WWOX: variants seen among roughly 807,000 people sequenced by gnomAD.
WWOX encodes the protein WW domain-containing oxidoreductase.
A neutral mutation model predicts 46.2 loss-of-function variants in WWOX; 69 were observed. The observed-to-expected ratio is 1.49, with a 90% CI of 1.23 to 1.82. WWOX has a LOEUF of 1.82. Ranked by LOEUF, WWOX falls within the 40% of genes most tolerant of loss-of-function variation. The pLI, the probability that WWOX is intolerant of heterozygous loss-of-function variation, is 0.00. For synonymous variants in WWOX, 359 were observed against 202.6 expected (o/e 1.77, Z -6.56); for missense variants, 919 against 542.6 (o/e 1.69, Z -6.89).
At chr16:78,808,546 G>A (rs940361723) in intron 8 of WWOX, among the ~76,000 whole-genome samples, 2 of 152,170 alleles carry the variant, frequency 1.3e-5, no homozygotes, top group Non-Finnish European at 2.9e-5. Context: ...TCATAGAAGG[G>A]TGTTCTTAAC....
chr16:79,158,089 C>A (rs1046706674), intron 8 of WWOX, among the ~76,000 whole-genome samples: 1 of 151,986 alleles, frequency 6.6e-6, no homozygotes, highest in Non-Finnish European at 1.5e-5. Flanking sequence ...TCCCAGATGT[C>A]AAAGCATGGG....
chr16:78,661,170 C>T (rs971647429), intron 8 of WWOX, among the ~76,000 whole-genome samples: 6 of 152,124 alleles, frequency 3.9e-5, no homozygotes, highest in African/African-American at 1.2e-4. Context: ...ACTAAACTGT[C>T]CTCTAGAATG....
At chr16:79,001,582 C>G (rs1318695788) in intron 8 of WWOX, among the ~76,000 whole-genome samples, 1 of 151,996 alleles carries the variant, frequency 6.6e-6, no homozygotes, top group African/African-American at 2.4e-5. Flanking sequence ...ACAAGTTTTG[C>G]CCCTTATACA....
chr16:78,177,910 A>G (rs954586904), intron 5 of WWOX, among the ~76,000 whole-genome samples: 4 of 152,248 alleles, frequency 2.6e-5, no homozygotes, highest in African/African-American at 9.6e-5. Flanking sequence ...GAAGAACTTT[A>G]ACGTCCATCC....
At chr16:78,495,389 C>G (rs931819306) in intron 8 of WWOX, among the ~76,000 whole-genome samples, 1 of 151,902 alleles carries the variant, frequency 6.6e-6, no homozygotes, top group Non-Finnish European at 1.5e-5. Context: ...GATCTGCCCG[C>G]CTTGGCCTCC....
rs1158061770 is a variant in WWOX at position 78,340,027 on chromosome 16, G to T, written c.517-46833G>T. Among the ~76,000 whole-genome samples, 4 of 41,838 alleles carry T rather than the reference G, an allele frequency of 9.6e-5. 1 individual carries two copies. Among genetic ancestry groups the T allele is most frequent in the Admixed American group, 2.5e-4 (1 of 3,996 alleles). 27.4% of individuals were successfully genotyped at this position (41,838 alleles called of 152,430 possible). ...TTTCCATGGATTTGGTGGGGGGGGGGGGGACGTTTCTATTTCCTTTATGTT... is the reference window on the plus strand; with the variant it reads ...TTTCCATGGATTTGGTGGGGGGGGGTGGGACGTTTCTATTTCCTTTATGTT... On this transcript the variant is annotated intron_variant, in intron 5 of 8. Coordinates refer to ENST00000566780, the MANE Select transcript of WWOX (RefSeq NM_016373.4).
At chr16:78,616,631 C>G (rs757600381) in intron 8 of WWOX, among the ~76,000 whole-genome samples, 1 of 151,538 alleles carries the variant, frequency 6.6e-6, no homozygotes. Flanking sequence ...TAGCCAGGCT[C>G]GGTGGCTTGT....
chr16:78,860,275 AG>A (rs1215743093), intron 8 of WWOX, among the ~76,000 whole-genome samples: 1 of 152,260 alleles, frequency 6.6e-6, no homozygotes, highest in Non-Finnish European at 1.5e-5. Context: ...TTTGTGAATC[AG>A]TAAATGGATG....
At chr16:79,129,874 A>G (rs2049840499) in intron 8 of WWOX, among the ~76,000 whole-genome samples, 1 of 152,222 alleles carries the variant, frequency 6.6e-6, no homozygotes, top group African/African-American at 2.4e-5. Flanking sequence ...GGCAGGGGTC[A>G]GGCTCCCTGG....
intron 8 of WWOX, among the ~76,000 whole-genome samples, chr16:78,881,159 ATTTTTGTTGTTGTTGTAT>A (rs2044336075): frequency 6.6e-6 from 1 of 151,474 alleles, no homozygotes; most frequent in Non-Finnish European, 1.5e-5. Flanking sequence ...TGCCTGCCCA[ATTTTTGTTGTTGTTGTAT>A]TTTTTGGTAC....
chr16:78,852,600 A>C (rs1483933719), intron 8 of WWOX, among the ~76,000 whole-genome samples: 1 of 152,182 alleles, frequency 6.6e-6, no homozygotes, highest in African/African-American at 2.4e-5. Flanking sequence ...TCAGCTAGCT[A>C]AGCTGCTCCT....
intron 8 of WWOX, among the ~76,000 whole-genome samples, chr16:78,950,225 T>C (rs893299153): frequency 6.6e-6 from 1 of 152,198 alleles, no homozygotes; most frequent in African/African-American, 2.4e-5. Flanking sequence ...CCTCCTAATC[T>C]TTCAGTTGAA....
chr16:78,942,793 G>T (rs1405384382), intron 8 of WWOX, among the ~76,000 whole-genome samples: 2 of 152,142 alleles, frequency 1.3e-5, no homozygotes. Flanking sequence ...TGAGAAATCC[G>T]TTCATGCACT....
intron 8 of WWOX, among the ~76,000 whole-genome samples, chr16:78,835,107 G>C (rs904773012): frequency 6.6e-6 from 1 of 152,088 alleles, no homozygotes; most frequent in Non-Finnish European, 1.5e-5. Context: ...TGAAGCCCAA[G>C]GATCTTAAGG....
chr16:78,537,824 ATCCAC>A (rs1203575717), intron 8 of WWOX, among the ~76,000 whole-genome samples: 1 of 152,018 alleles, frequency 6.6e-6, no homozygotes, highest in Non-Finnish European at 1.5e-5. Context: ...GGCCAGAACG[ATCCAC>A]CCACGTGTTG....
intron 8 of WWOX, among the ~76,000 whole-genome samples, chr16:78,673,091 G>A (rs761678117): frequency 4.6e-5 from 7 of 152,178 alleles, no homozygotes; most frequent in Non-Finnish European, 1.0e-4. Context: ...GGGCTCAGAG[G>A]GAAATAGGGT....
At chr16:78,325,567 A>G (rs2080591621) in intron 5 of WWOX, among the ~76,000 whole-genome samples, 1 of 152,152 alleles carries the variant, frequency 6.6e-6, no homozygotes, top group South Asian at 2.1e-4. Flanking sequence ...TCAGTTAGTG[A>G]TCTCTGTAAG....
chr16:78,431,973 C>T (rs1350009225), intron 7 of WWOX, among the ~76,000 whole-genome samples: 7 of 152,120 alleles, frequency 4.6e-5, no homozygotes. Flanking sequence ...GCCTCAGCTT[C>T]CTAAAGTGCT....
intron 8 of WWOX, among the ~76,000 whole-genome samples, chr16:78,538,271 T>C (rs1567629845): frequency 6.8e-6 from 1 of 147,674 alleles, no homozygotes. Flanking sequence ...TGGAGAATGT[T>C]CATATCACAT....
Sources: allele counts gnomAD v4.1 joint callset (sites outside exome capture counted in the v4.1 genomes callset), GRCh38; gene constraint gnomAD v4.1.1; transcripts MANE v1.5; gene names NCBI Gene and HGNC (gene_info 2026-07-23, HGNC 2026-07-21).